The following LGR4 variants were observed in gnomAD, a reference collection of about 807,000 sequenced individuals.
LGR4 encodes the protein leucine-rich repeat-containing G protein-coupled receptor 4.
Under a neutral mutation model 84.8 loss-of-function variants are expected in LGR4, and 44 were observed. The observed-to-expected ratio is 0.52, with a 90% CI of 0.41 to 0.67. The LOEUF is 0.67. LGR4 is among the 30% of genes least tolerant of loss of function. The probability of loss-of-function intolerance (pLI) is 0.00; values close to 1 mark genes in which losing one functional copy is unlikely to be tolerated. For synonymous variants in LGR4, 429 were observed against 434.3 expected (o/e 0.99, Z 0.15); for missense variants, 1,032 against 1,131.4 (o/e 0.91, Z 1.26).
Position 27,368,979 on chromosome 11 carries a change from C to A in LGR4, c.1744G>T (p.Val582Leu), listed in dbSNP as rs749550574. The A allele has an allele frequency of 1.2e-6, 2 of 1,613,922 alleles. No homozygotes were observed. The highest frequency in any genetic ancestry group is 2.7e-5 in the African/African-American group (2 of 74,882). The change falls in exon 18 of 18, where the codon GTG (valine) becomes TTG (leucine). Residue 582 changes from valine (V) to leucine (L), a missense_variant. Val to Leu is a conservative substitution (Grantham distance 32, BLOSUM62 1). Coordinates refer to ENST00000379214, the MANE Select transcript of LGR4 (RefSeq NM_018490.5). Reference sequence around the variant, plus strand: ...TAGATTCCCATGAATAAGTTAGACACAGAAATCAAGCCTATAAACAATTTG... The same window carrying A: ...TAGATTCCCATGAATAAGTTAGACAAAGAAATCAAGCCTATAAACAATTTG... ...SSKLFIGLIS[V>L]SNLFMGIYTG... is the part of the protein sequence containing the mutation.
chr11:27,429,849 C>A (rs1481564266), intron 1 of LGR4, among the ~76,000 whole-genome samples: 2 of 152,038 alleles, frequency 1.3e-5, no homozygotes, highest in African/African-American at 4.8e-5. Context: ...AAGAGACTGC[C>A]TGAGGTGGAA....
intron 2 of LGR4, among the ~76,000 whole-genome samples, chr11:27,393,588 A>T (rs1863325741): frequency 6.6e-6 from 1 of 152,004 alleles, no homozygotes; most frequent in South Asian, 2.1e-4. Flanking sequence ...CCTCCTTTAA[A>T]AGGTATGTAT....
chr11:27,405,479 ACTATTCTATAAT>A (rs2133390392), intron 2 of LGR4, among the ~76,000 whole-genome samples: 1 of 152,166 alleles, frequency 6.6e-6, no homozygotes, highest in East Asian at 1.9e-4. Context: ...CCCACGATAC[ACTATTCTATAAT>A]CTATGCCCTT....
Position 27,405,160 on chromosome 11 carries a change from G to C in LGR4, c.257+7629C>G, listed in dbSNP as rs1863580296. ...GTCACTTTCAACAACTTACTGAAAT[G>C]ATTCCAAAAATACTTAAAGAAGTCA... On this transcript the variant is annotated intron_variant, in intron 2 of 17. Coordinates refer to ENST00000379214, the MANE Select transcript of LGR4 (RefSeq NM_018490.5). 2.6e-5 allele frequency among the ~76,000 whole-genome samples: 4 copies of C among 152,266 alleles called. No individual in the cohort carries two copies. In the South Asian group the frequency reaches 8.3e-4, roughly 32 times the overall value.
At chr11:27,453,433 C>T (rs1864519948) in intron 1 of LGR4, among the ~76,000 whole-genome samples, 1 of 151,912 alleles carries the variant, frequency 6.6e-6, no homozygotes, top group East Asian at 1.9e-4. Flanking sequence ...TAGATATTGA[C>T]TAATTATCTT....
chr11:27,441,900 G>A (rs79113278), intron 1 of LGR4, among the ~76,000 whole-genome samples: 3,949 of 152,214 alleles, frequency 0.026, 84 homozygotes, highest in Admixed American at 0.075. Context: ...CCTTTAAAGG[G>A]GACCAACAGA....
intron 1 of LGR4, among the ~76,000 whole-genome samples, chr11:27,426,322 G>C (rs1441666893): frequency 2.0e-5 from 3 of 152,114 alleles, no homozygotes; most frequent in Admixed American, 2.0e-4. Context: ...AAGAGAGTAA[G>C]GTTTTCATTT....
chr11:27,380,637 T>C lies in LGR4; in HGVS notation c.902+3A>G. On this transcript the variant is annotated splice_donor_region_variant and intron_variant, in intron 9 of 17. Transcript: ENST00000379214. ...AGGTTTGTTTTTAAATTCACATACTTACAGGGAATGAAGATCAGATAAATT... is the reference window on the plus strand; with the variant it reads ...AGGTTTGTTTTTAAATTCACATACTCACAGGGAATGAAGATCAGATAAATT... The C allele has an allele frequency of 1.3e-6, 2 of 1,547,852 alleles. No homozygotes were observed. Among genetic ancestry groups the C allele is most frequent in the Non-Finnish European group, 1.8e-6 (2 of 1,122,670 alleles).
At chr11:27,423,004 AT>A (rs1184728962) in intron 1 of LGR4, among the ~76,000 whole-genome samples, 1 of 152,028 alleles carries the variant, frequency 6.6e-6, no homozygotes, top group Non-Finnish European at 1.5e-5. Flanking sequence ...ACATCGTGAC[AT>A]TTTTTTCACT....
chr11:27,415,769 G>A (rs1028993303), intron 1 of LGR4, among the ~76,000 whole-genome samples: 36 of 152,038 alleles, frequency 2.4e-4, no homozygotes, highest in African/African-American at 7.5e-4. Context: ...TGTTATCTCC[G>A]GAGAAGCTCT....
intron 1 of LGR4, among the ~76,000 whole-genome samples, chr11:27,430,989 T>C (rs186586296): frequency 3.1e-4 from 47 of 150,878 alleles, no homozygotes; most frequent in African/African-American, 1.1e-3. Context: ...GCTCTTCCCA[T>C]AGCACCTCCT....
At chr11:27,392,418 C>G (rs373798281) in intron 3 of LGR4, 29 bp downstream of exon 3, 538 of 1,514,156 alleles carry the variant, frequency 3.6e-4, no homozygotes, top group Non-Finnish European at 4.7e-4. Flanking sequence ...ACACAGCCAG[C>G]TGTGAAACTC....
chr11:27,426,106 A>G (rs1029643807), intron 1 of LGR4, among the ~76,000 whole-genome samples: 2 of 152,214 alleles, frequency 1.3e-5, no homozygotes, highest in African/African-American at 4.8e-5. Flanking sequence ...CAATTTTCCA[A>G]CCATCTAAAT....
chr11:27,441,954 G>A (rs1864311858), intron 1 of LGR4, among the ~76,000 whole-genome samples: 1 of 152,162 alleles, frequency 6.6e-6, no homozygotes. Flanking sequence ...AGAACTAAAG[G>A]TCAGGGACCA....
intron 2 of LGR4, among the ~76,000 whole-genome samples, chr11:27,403,503 T>C (rs531004167): frequency 6.6e-6 from 1 of 152,316 alleles, no homozygotes; most frequent in Admixed American, 6.5e-5. Context: ...AAGAGACTTG[T>C]TACATAAAAT....
Position 27,380,948 on chromosome 11 carries a change from A to C in LGR4, c.777T>G (p.Ser259=), listed in dbSNP as rs778476281. The change falls in exon 8 of 18, where the codon TCT becomes TCG. Residue 259 remains serine (S), a synonymous_variant. Transcript: ENST00000379214. The part of the protein sequence containing the change: ...SLKELGFHSN[S]ISVIPDGAFD... ...ATGCTCCATCAGGGATAACAGAAAT[A>C]GAATTACTATGAAATCCTCTAGAAA... 1 of 1,541,238 alleles carries C rather than the reference A, an allele frequency of 6.5e-7. No individual in the cohort carries two copies. Among genetic ancestry groups the C allele is most frequent in the Non-Finnish European group, 9.0e-7 (1 of 1,114,186 alleles).
chr11:27,450,565 G>T (rs1864465559), intron 1 of LGR4, among the ~76,000 whole-genome samples: 1 of 152,050 alleles, frequency 6.6e-6, no homozygotes, highest in Non-Finnish European at 1.5e-5. Flanking sequence ...GAGGTGGGTG[G>T]ATCACCTGAG....
intron 1 of LGR4, among the ~76,000 whole-genome samples, chr11:27,440,476 G>T (rs187218221): frequency 2.2e-4 from 34 of 152,314 alleles, no homozygotes; most frequent in Non-Finnish European, 4.4e-4. Context: ...TGTGGGAAAA[G>T]ATTCCAGTTT....
At chr11:27,464,192 G>A (rs1364562113) in intron 1 of LGR4, among the ~76,000 whole-genome samples, 2 of 152,146 alleles carry the variant, frequency 1.3e-5, no homozygotes, top group African/African-American at 4.8e-5. Flanking sequence ...TCTCTGAGAC[G>A]GTTTGCACAC....
Sources: allele counts gnomAD v4.1 joint callset (sites outside exome capture counted in the v4.1 genomes callset), GRCh38; gene constraint gnomAD v4.1.1; transcripts MANE v1.5; gene names NCBI Gene and HGNC (gene_info 2026-07-23, HGNC 2026-07-21).